The following MTRF1L variants were observed in gnomAD, a reference collection of about 807,000 sequenced individuals.
MTRF1L encodes the protein mitochondrial translation release factor 1 like.
MTRF1L carries 29 observed loss-of-function variants against 40.0 expected under a neutral mutation model. The ratio of observed to expected loss-of-function variants is 0.73; its 90% CI spans 0.54 to 0.99. The LOEUF (loss-of-function observed/expected upper bound fraction) is 0.99. Among genes scored for constraint, MTRF1L ranks in the 50% least tolerant of loss-of-function variants. The pLI is 0.00. For missense variants in MTRF1L, 412 were observed against 464.5 expected, an observed-to-expected ratio of 0.89 and a Z score of 1.04; for synonymous variants, 150 against 175.8, an observed-to-expected ratio of 0.85 and a Z score of 1.16.
At chr6:152,990,135 G>A in intron 6 of MTRF1L, 40 bp from the exon 7 acceptor site, 1 of 1,594,676 alleles carries the variant, frequency 6.3e-7, no homozygotes, top group Non-Finnish European at 8.5e-7. Context: ...CTAGATTCAG[G>A]GCAATTTAAA....
chr6:152,994,915 T>A, intron 3 of MTRF1L: 1 of 707,208 alleles, frequency 1.4e-6, no homozygotes, highest in Non-Finnish European at 2.3e-6. Flanking sequence ...AGACTACTTT[T>A]AAAGACTGTT....
intron 3 of MTRF1L, 179 bp from the exon 4 acceptor site, chr6:152,994,855 C>T: frequency 2.4e-6 from 2 of 843,814 alleles, no homozygotes; most frequent in Non-Finnish European, 3.6e-6. Flanking sequence ...CTTACAAGTA[C>T]TAAACAAAGC....
chr6:152,991,427 G>A, intron 5 of MTRF1L, 106 bp from the exon 6 acceptor site: 1 of 1,266,062 alleles, frequency 7.9e-7, no homozygotes, highest in East Asian at 2.9e-5. Flanking sequence ...CTTTATGAGG[G>A]GAAAAAACAG....
chr6:152,992,584 A>G (rs541165171), intron 5 of MTRF1L, among the ~76,000 whole-genome samples: 1 of 152,306 alleles, frequency 6.6e-6, no homozygotes, highest in South Asian at 2.1e-4. Flanking sequence ...TTTTAAGTGT[A>G]AAACTCAGAA....
Position 152,999,652 on chromosome 6 carries a change from G to A in MTRF1L, c.260-1023C>T, listed in dbSNP as rs191776198. Among the ~76,000 whole-genome samples the A allele has an allele frequency of 2.3e-3, 351 of 152,250 alleles. 2 individuals are homozygous for A. The highest frequency in any genetic ancestry group is 3.6e-3 in the Non-Finnish European group (245 of 68,016). Reference sequence around the variant, plus strand: ...TTTCCTGTGCTGTTCTCATGATAGTGAATAAGTCTTACAAGATCTGATGGT... The same window carrying A: ...TTTCCTGTGCTGTTCTCATGATAGTAAATAAGTCTTACAAGATCTGATGGT... On this transcript the variant is annotated intron_variant, in intron 1 of 6. Coordinates refer to ENST00000367233, the MANE Select transcript of MTRF1L (RefSeq NM_019041.7).
At chr6:152,995,103 C>G (rs1778669393) in intron 3 of MTRF1L, 33 bp downstream of exon 3, 3 of 1,556,266 alleles carry the variant, frequency 1.9e-6, no homozygotes, top group Non-Finnish European at 2.6e-6. Context: ...TTCCTAAACA[C>G]TTTACCTGAA....
At chr6:152,992,161 A>T (rs1292856588) in intron 5 of MTRF1L, among the ~76,000 whole-genome samples, 1 of 152,250 alleles carries the variant, frequency 6.6e-6, no homozygotes, top group Non-Finnish European at 1.5e-5. Context: ...ACTATTAGTT[A>T]ATAGGGACTA....
chr6:152,991,598 G>A (rs556128086), intron 5 of MTRF1L, among the ~76,000 whole-genome samples: 1 of 152,190 alleles, frequency 6.6e-6, no homozygotes, highest in Non-Finnish European at 1.5e-5. Flanking sequence ...CCAGGCTGGA[G>A]TGCAGTGGCG....
At chr6:152,991,703 C>T (rs1170108556) in intron 5 of MTRF1L, among the ~76,000 whole-genome samples, 2 of 152,100 alleles carry the variant, frequency 1.3e-5, no homozygotes, top group Non-Finnish European at 2.9e-5. Flanking sequence ...CCCGCCATCA[C>T]GCCCGGCTAA....
chr6:153,002,335 G>C, intron 1 of MTRF1L, 92 bp downstream of exon 1: 1 of 1,587,808 alleles, frequency 6.3e-7, no homozygotes, highest in Non-Finnish European at 8.6e-7. Context: ...AGTGAGTAAA[G>C]AGTTTCAAAC....
At chr6:152,990,971 A>G (rs1778489306) in intron 6 of MTRF1L, among the ~76,000 whole-genome samples, 1 of 152,218 alleles carries the variant, frequency 6.6e-6, no homozygotes, top group Non-Finnish European at 1.5e-5. Flanking sequence ...CTTTATTTTT[A>G]GTAACGGATT....
intron 2 of MTRF1L, among the ~76,000 whole-genome samples, chr6:152,996,911 T>C (rs1273188455): frequency 6.6e-6 from 1 of 152,206 alleles, no homozygotes; most frequent in Non-Finnish European, 1.5e-5. Flanking sequence ...AAAGTTATTT[T>C]GTAACAAAAT....
Position 153,002,626 on chromosome 6 carries a change from G to C in MTRF1L, c.60C>G (p.Gly20=). The change falls in exon 1 of 7, where the codon GGC becomes GGG. Residue 20 remains glycine (G), a synonymous_variant. Transcript: ENST00000367233. ...ARWLWPRRAV[G]PARRPLSSGS... is the part of the protein sequence containing the mutation. ...CGGAGCTCAGGGGCCGGCGGGCTGG[G>C]CCAACGGCCCGGCGGGGCCAGAGCC... is the stretch of plus-strand genomic sequence containing the variant. The C allele has an allele frequency of 6.5e-7, 1 of 1,533,944 alleles. No individual in the cohort carries two copies. The highest frequency in any genetic ancestry group is 1.2e-5 in the South Asian group (1 of 82,886).
chr6:152,990,527 TA>T (rs1778469750), intron 6 of MTRF1L: 1 of 156,910 alleles, frequency 6.4e-6, no homozygotes, highest in African/African-American at 2.4e-5. Flanking sequence ...TCTGTAGTTA[TA>T]AAATTAAATA....
chr6:152,994,363 A>T (rs907223395), intron 4 of MTRF1L, 150 bp downstream of exon 4: 10 of 763,032 alleles, frequency 1.3e-5, no homozygotes, highest in African/African-American at 1.8e-5. Context: ...AGCATTATAA[A>T]ATTATATTTT....
At chr6:152,998,694 A>G in intron 1 of MTRF1L, 65 bp from the exon 2 acceptor site, 1 of 1,114,766 alleles carries the variant, frequency 9.0e-7, no homozygotes, top group Non-Finnish European at 1.3e-6. Flanking sequence ...GCAGACTTCT[A>G]GGAAATAGTT....
intron 2 of MTRF1L, among the ~76,000 whole-genome samples, chr6:152,996,375 T>C (rs1447694207): frequency 6.6e-6 from 1 of 152,202 alleles, no homozygotes; most frequent in Non-Finnish European, 1.5e-5. Flanking sequence ...GTTTGTTGAT[T>C]ACTAGACACT....
intron 1 of MTRF1L, among the ~76,000 whole-genome samples, chr6:152,999,843 A>G (rs186691836): frequency 2.0e-5 from 3 of 152,204 alleles, no homozygotes; most frequent in Middle Eastern, 6.3e-3. Flanking sequence ...GTATGTCTTT[A>G]TCAGCAGTGT....
At position 152,998,649 on chromosome 6, in the gene MTRF1L, A is replaced by G. The variant is rs779035936; in HGVS notation, c.260-20T>C. On this transcript the variant is annotated intron_variant, in intron 1 of 6. Transcript: ENST00000367233. ...TCTCATCTAGGAAAAAAAGGGCAGA[A>G]GTTAAGGTTTTCCTTAATTAGTGTT... is the stretch of plus-strand genomic sequence containing the variant. 1.5e-5 allele frequency: 23 copies of G among 1,551,716 alleles called. No individual in the cohort carries two copies. The South Asian group carries it at 2.8e-4, about 19-fold the overall frequency.
Sources: allele counts gnomAD v4.1 joint callset (sites outside exome capture counted in the v4.1 genomes callset), GRCh38; gene constraint gnomAD v4.1.1; transcripts MANE v1.5; gene names NCBI Gene and HGNC (gene_info 2026-07-23, HGNC 2026-07-21).